The following GUCA1B variants were observed in gnomAD, a reference collection of about 807,000 sequenced individuals.
GUCA1B encodes the protein guanylate cyclase activator 1B.
In GUCA1B, 22 loss-of-function variants were observed where a neutral mutation model predicts 24.2. That is an observed-to-expected ratio of 0.91 (90% CI 0.65 to 1.30). The LOEUF (loss-of-function observed/expected upper bound fraction) is 1.30. Ranked by LOEUF, GUCA1B falls within the 50% of genes most tolerant of loss-of-function variation. GUCA1B has a pLI of 0.00. For synonymous variants in GUCA1B, 100 were observed against 97.9 expected, an observed-to-expected ratio of 1.02 and a Z score of -0.13; for missense variants, 221 against 258.8, an observed-to-expected ratio of 0.85 and a Z score of 1.00.
rs1471185028 is a variant in GUCA1B at position 42,194,596 on chromosome 6, C to T, written c.207+18G>A. On this transcript the variant is annotated intron_variant, in intron 1 of 3. Coordinates refer to ENST00000230361, the MANE Select transcript of GUCA1B (RefSeq NM_002098.6). ...CCAGGTGGACTGGCCACTGGTCCTT[C>T]CCTTCAGGGTGCCTTACCCCATTCT... The T allele has an allele frequency of 6.5e-7, 1 of 1,544,934 alleles. No individual in the cohort carries two copies. Among genetic ancestry groups the T allele is most frequent in the South Asian group, 1.1e-5 (1 of 89,604 alleles).
chr6:42,188,938 A>T (rs59908960), intron 1 of GUCA1B, among the ~76,000 whole-genome samples: 23,086 of 113,866 alleles, frequency 0.2, 3,129 homozygotes, highest in African/African-American at 0.49. Context: ...TCTCTATCTG[A>T]CTATCTATCA....
At chr6:42,187,874 TCTTA>T (rs1368726691) in intron 2 of GUCA1B, among the ~76,000 whole-genome samples, 1 of 152,000 alleles carries the variant, frequency 6.6e-6, no homozygotes, top group Non-Finnish European at 1.5e-5. Context: ...TGAGACAGGT[TCTTA>T]CTTTGTTGCC....
At chr6:42,185,064 C>T (rs912864932) in intron 3 of GUCA1B, 122 bp from the exon 4 acceptor site, 1 of 876,876 alleles carries the variant, frequency 1.1e-6, no homozygotes, top group Admixed American at 2.0e-5. Flanking sequence ...CCTGCAGTCT[C>T]AGACCTCAAG....
rs759383819 is a variant in GUCA1B, at chr6:42,188,678, C to T, written c.261G>A (p.Arg87=). 1 of 1,614,000 alleles carries T rather than the reference C, an allele frequency of 6.2e-7. No individual in the cohort carries two copies. The highest frequency in any genetic ancestry group is 1.7e-5 in the Admixed American group (1 of 60,010). The change falls in exon 2 of 4, where the codon AGG becomes AGA. Residue 87 remains arginine (R), a synonymous_variant. Coordinates refer to ENST00000230361, the MANE Select transcript of GUCA1B (RefSeq NM_002098.6). Reference sequence around the variant, plus strand: ...ACTTCAGCTTGTGCTCCAGGGTGCCCCTCAGCACGAGATTCAGAGCTGCCA... The same window carrying T: ...ACTTCAGCTTGTGCTCCAGGGTGCCTCTCAGCACGAGATTCAGAGCTGCCA... ...EYVAALNLVL[R]GTLEHKLKWT... is the part of the protein sequence containing the mutation.
Position 42,188,552 on chromosome 6 carries a change from G to A in GUCA1B, c.357+30C>T, listed in dbSNP as rs760497261. 4 of 1,611,228 alleles carry A rather than the reference G, an allele frequency of 2.5e-6. No homozygotes were observed. In the South Asian group the frequency reaches 4.4e-5, roughly 18 times the overall value. On this transcript the variant is annotated intron_variant, in intron 2 of 3. Transcript: ENST00000230361. ...AGCTCCAGCAGTGCTCTAGTGCCCA[G>A]GCTGCTGGCCCATGGGCAGAGACAC...
rs1017309873 is a variant in GUCA1B, at chr6:42,184,063, G to A, written c.*752C>T. Among the ~76,000 whole-genome samples the A allele has an allele frequency of 6.6e-6, 1 of 151,392 alleles. No individual in the cohort carries two copies. Among genetic ancestry groups the A allele is most frequent in the Non-Finnish European group, 1.5e-5 (1 of 67,850 alleles). ...AGTTATAGAATTATTGCTGCCCCCT[G>A]CCCCCCAAAACTCCTGCCTTTTCTT... On this transcript the variant is annotated 3_prime_UTR_variant, in exon 4 of 4. Transcript: ENST00000230361.
intron 2 of GUCA1B, 111 bp from the exon 3 acceptor site, chr6:42,185,908 G>A: frequency 4.0e-6 from 3 of 748,274 alleles, no homozygotes; most frequent in Non-Finnish European, 7.3e-6. Flanking sequence ...CCCAGGCTGT[G>A]CGTCTTAGGA....
intron 1 of GUCA1B, among the ~76,000 whole-genome samples, chr6:42,189,254 A>G (rs1768261229): frequency 6.6e-6 from 1 of 152,122 alleles, no homozygotes; most frequent in Non-Finnish European, 1.5e-5. Flanking sequence ...TATTCTACAC[A>G]GCTTGGGACT....
chr6:42,185,905 T>C (rs140302798), intron 2 of GUCA1B, 108 bp from the exon 3 acceptor site: 53 of 757,098 alleles, frequency 7.0e-5, no homozygotes, highest in African/African-American at 3.1e-4. Flanking sequence ...CTTCCCAGGC[T>C]GTGCGTCTTA....
chr6:42,186,197 C>G (rs547408138), intron 2 of GUCA1B, among the ~76,000 whole-genome samples: 1 of 152,270 alleles, frequency 6.6e-6, no homozygotes, highest in Admixed American at 6.5e-5. Context: ...ATGTGTAAAA[C>G]AGAATGATGG....
intron 1 of GUCA1B, among the ~76,000 whole-genome samples, 185 bp downstream of exon 1, chr6:42,194,429 G>A (rs1200896126): frequency 1.3e-5 from 2 of 152,198 alleles, no homozygotes; most frequent in South Asian, 2.1e-4. Flanking sequence ...GATGGAAAGG[G>A]ACAAAAGGAA....
intron 1 of GUCA1B, among the ~76,000 whole-genome samples, chr6:42,191,666 A>G: frequency 6.6e-6 from 1 of 152,214 alleles, no homozygotes; most frequent in East Asian, 1.9e-4. Context: ...ATTTGACTGA[A>G]CAATAGGATA....
rs1291660188 is a variant in GUCA1B, at chr6:42,184,292, C to T, written c.*523G>A. The T allele has an allele frequency of 3.9e-5, 7 of 177,314 alleles. No homozygotes were observed. Among genetic ancestry groups the T allele is most frequent in the Admixed American group, 2.2e-4 (4 of 18,012 alleles). 11.0% of individuals were successfully genotyped at this position (177,314 alleles called of 1,614,324 possible). On this transcript the variant is annotated 3_prime_UTR_variant, in exon 4 of 4. Transcript: ENST00000230361. ...TTTTAGTAGAGACGGGGTTTCACCC[C>T]GTGTTAGCCAGGATGGTCTCGATCT...
chr6:42,186,491 G>T (rs2113844459), intron 2 of GUCA1B, among the ~76,000 whole-genome samples: 1 of 152,284 alleles, frequency 6.6e-6, no homozygotes, highest in East Asian at 1.9e-4. Flanking sequence ...TACTCAGGAG[G>T]CTGAGGCAGG....
intron 2 of GUCA1B, among the ~76,000 whole-genome samples, chr6:42,187,586 A>C (rs1582331269): frequency 1.3e-5 from 2 of 151,062 alleles, no homozygotes; most frequent in East Asian, 2.0e-4. Flanking sequence ...ACGCCCAGCT[A>C]ATTTTTTTGT....
chr6:42,192,433 C>A (rs529737884), intron 1 of GUCA1B, among the ~76,000 whole-genome samples: 6 of 149,710 alleles, frequency 4.0e-5, no homozygotes, highest in African/African-American at 1.5e-4. Flanking sequence ...GAAACCTGGC[C>A]GGGTGCAGTG....
At position 42,194,855 on chromosome 6, in the gene GUCA1B, G is replaced by C. The variant is rs561790374; in HGVS notation, c.-35C>G. The C allele has an allele frequency of 3.5e-6, 5 of 1,447,260 alleles. No homozygotes were observed. In the Admixed American group the frequency reaches 5.9e-5, roughly 17 times the overall value. The allele number at this position is 1,447,260 out of a possible 1,614,324, so 89.7% of individuals were successfully genotyped here. A position where few individuals can be genotyped will look rare whatever the true frequency, so the allele number is the denominator to read the frequency against. ...GAGGAGCATCAGGGAGCAAGGGTCT[G>C]TATCTCCTCCCTGGCTTCTGCTGAT... On this transcript the variant is annotated 5_prime_UTR_variant, in exon 1 of 4. Transcript: ENST00000230361.
At chr6:42,188,019 AT>A (rs1168667713) in intron 2 of GUCA1B, among the ~76,000 whole-genome samples, 1 of 147,936 alleles carries the variant, frequency 6.8e-6, no homozygotes, top group Non-Finnish European at 1.5e-5. Context: ...CTAATTTTTA[AT>A]TTTTTTGTAG....
intron 1 of GUCA1B, among the ~76,000 whole-genome samples, chr6:42,191,797 C>T (rs544765713): frequency 4.6e-5 from 7 of 152,242 alleles, no homozygotes; most frequent in African/African-American, 1.7e-4. Context: ...AAGTTAACTA[C>T]GCCAGTGATG....
Sources: gnomAD v4.1 joint callset for allele counts (sites outside exome capture counted in the v4.1 genomes callset) on GRCh38, gnomAD v4.1.1 for gene constraint, MANE v1.5 for transcripts, NCBI Gene and HGNC (gene_info 2026-07-23, HGNC 2026-07-21) for gene names.